The following NEGR1 variants were observed in gnomAD, a reference collection of about 807,000 sequenced individuals.
NEGR1 encodes IgLON family member 4.
In NEGR1, 10 loss-of-function variants were observed where a neutral mutation model predicts 40.9. The ratio of observed to expected loss-of-function variants is 0.24; its 90% CI spans 0.15 to 0.42. The LOEUF (loss-of-function observed/expected upper bound fraction) is 0.42. NEGR1 is among the 10% of genes least tolerant of loss of function. NEGR1 has a pLI of 1.00. For synonymous variants in NEGR1, 185 were observed against 166.8 expected, an observed-to-expected ratio of 1.11 and a Z score of -0.84; for missense variants, 352 against 438.9, an observed-to-expected ratio of 0.80 and a Z score of 1.77.
At chr1:71,456,701 C>G (rs368262501) in intron 6 of NEGR1, among the ~76,000 whole-genome samples, 3 of 152,176 alleles carry the variant, frequency 2.0e-5, no homozygotes, top group East Asian at 3.9e-4. Context: ...TCAAAAAATT[C>G]CACTAATTTC....
chr1:72,083,972 C>T (rs955695524), intron 1 of NEGR1, among the ~76,000 whole-genome samples: 7 of 152,162 alleles, frequency 4.6e-5, no homozygotes, highest in African/African-American at 1.7e-4. Context: ...CAATAACCTG[C>T]ATCCACCATT....
chr1:71,933,508 TAG>T (rs972495306), intron 2 of NEGR1, among the ~76,000 whole-genome samples: 1 of 152,064 alleles, frequency 6.6e-6, no homozygotes, highest in African/African-American at 2.4e-5. Context: ...GAAAATCTTT[TAG>T]AGTCTTTGAG....
At chr1:71,574,462 A>G (rs1648900521) in intron 6 of NEGR1, among the ~76,000 whole-genome samples, 1 of 152,198 alleles carries the variant, frequency 6.6e-6, no homozygotes, top group South Asian at 2.1e-4. Context: ...ATAAAGTATT[A>G]GGAAAACTGA....
At chr1:72,031,716 T>A (rs1646860412) in intron 1 of NEGR1, among the ~76,000 whole-genome samples, 1 of 151,974 alleles carries the variant, frequency 6.6e-6, no homozygotes, top group African/African-American at 2.4e-5. Context: ...AGTACTTGCA[T>A]GGGGTTACAT....
At chr1:72,071,940 G>C (rs1647479454) in intron 1 of NEGR1, among the ~76,000 whole-genome samples, 1 of 152,040 alleles carries the variant, frequency 6.6e-6, no homozygotes, top group Non-Finnish European at 1.5e-5. Flanking sequence ...GTTTTCAATA[G>C]CTCCTATAGA....
chr1:71,574,207 G>T (rs376764937), intron 6 of NEGR1, among the ~76,000 whole-genome samples: 54 of 152,142 alleles, frequency 3.5e-4, no homozygotes, highest in African/African-American at 1.3e-3. Flanking sequence ...ATCCATAATG[G>T]CCAGCCATGC....
intron 6 of NEGR1, among the ~76,000 whole-genome samples, chr1:71,532,532 A>C (rs1289360491): frequency 4.0e-5 from 6 of 151,676 alleles, no homozygotes; most frequent in Non-Finnish European, 7.4e-5. Flanking sequence ...ATAGTTTTTT[A>C]ATAGCTACTC....
At chr1:71,478,117 C>T (rs977242243) in intron 6 of NEGR1, among the ~76,000 whole-genome samples, 2 of 151,926 alleles carry the variant, frequency 1.3e-5, no homozygotes, top group Non-Finnish European at 2.9e-5. Flanking sequence ...TTACTTTGCT[C>T]TGTAGGAAAT....
At chr1:72,279,962 T>C (rs1291360927) in intron 1 of NEGR1, among the ~76,000 whole-genome samples, 1 of 152,210 alleles carries the variant, frequency 6.6e-6, no homozygotes, top group East Asian at 1.9e-4. Flanking sequence ...GTAAAAGTAA[T>C]GCAGTTCAAA....
intron 6 of NEGR1, among the ~76,000 whole-genome samples, chr1:71,563,248 G>T (rs2101483133): frequency 6.6e-6 from 1 of 152,050 alleles, no homozygotes; most frequent in East Asian, 1.9e-4. Flanking sequence ...CTGACTCTGG[G>T]AGATACTTAA....
At chr1:71,430,114 A>G (rs1207358221) in intron 6 of NEGR1, among the ~76,000 whole-genome samples, 1 of 152,198 alleles carries the variant, frequency 6.6e-6, no homozygotes, top group Non-Finnish European at 1.5e-5. Context: ...GTACTGCAGT[A>G]TGGAAGAGGA....
chr1:72,126,717 C>T (rs1468096935), intron 1 of NEGR1, among the ~76,000 whole-genome samples: 1 of 152,090 alleles, frequency 6.6e-6, no homozygotes, highest in Non-Finnish European at 1.5e-5. Context: ...TGACAGTAGA[C>T]ACAAGACTCT....
intron 1 of NEGR1, among the ~76,000 whole-genome samples, chr1:72,048,116 T>C (rs1350175179): frequency 4.6e-5 from 7 of 151,586 alleles, no homozygotes; most frequent in Non-Finnish European, 1.5e-5. Context: ...TTACCTCTAA[T>C]TGTGCAAAAT....
At chr1:71,817,534 A>G (rs546485623) in intron 2 of NEGR1, among the ~76,000 whole-genome samples, 1 of 152,182 alleles carries the variant, frequency 6.6e-6, no homozygotes, top group East Asian at 1.9e-4. Flanking sequence ...TCCAATCTGG[A>G]CAGTCAATAC....
At chr1:71,996,570 A>AT (rs1388746356) in intron 1 of NEGR1, among the ~76,000 whole-genome samples, 1 of 151,970 alleles carries the variant, frequency 6.6e-6, no homozygotes, top group East Asian at 1.9e-4. Flanking sequence ...ACTATTTCTG[A>AT]TTTTTTACTC....
intron 6 of NEGR1, among the ~76,000 whole-genome samples, chr1:71,530,452 A>C (rs1647317894): frequency 1.3e-5 from 2 of 151,290 alleles, no homozygotes; most frequent in African/African-American, 4.8e-5. Context: ...CCGCTCTTTC[A>C]ATCCTGCTAT....
chr1:72,187,351 A>G (rs1183931557), intron 1 of NEGR1, among the ~76,000 whole-genome samples: 1 of 151,510 alleles, frequency 6.6e-6, no homozygotes, highest in Non-Finnish European at 1.5e-5. Flanking sequence ...TTGAAACAAC[A>G]TAGGAAATAT....
chr1:71,949,636 A>G (rs1340105148), intron 1 of NEGR1, among the ~76,000 whole-genome samples: 3 of 152,268 alleles, frequency 2.0e-5, no homozygotes, highest in South Asian at 2.1e-4. Flanking sequence ...CATTAACACC[A>G]GCCTTACTCT....
At chr1:71,638,758 G>C (rs1374715239) in intron 4 of NEGR1, among the ~76,000 whole-genome samples, 1 of 151,918 alleles carries the variant, frequency 6.6e-6, no homozygotes, top group Admixed American at 6.6e-5. Context: ...CAGTCTCAGA[G>C]AAGAACGTTA....
Sources: gnomAD v4.1 joint callset for allele counts (sites outside exome capture counted in the v4.1 genomes callset) on GRCh38, gnomAD v4.1.1 for gene constraint, MANE v1.5 for transcripts, NCBI Gene and HGNC (gene_info 2026-07-23, HGNC 2026-07-21) for gene names.